The following PAK5 variants were observed in gnomAD, a reference collection of about 807,000 sequenced individuals.
The protein encoded by PAK5 is p21 (RAC1) activated kinase 5, also known as serine/threonine-protein kinase PAK 5.
PAK5 carries 16 observed loss-of-function variants against 65.9 expected under a neutral mutation model. The ratio of observed to expected loss-of-function variants is 0.24; its 90% CI spans 0.16 to 0.37. The LOEUF (loss-of-function observed/expected upper bound fraction) is 0.37, where lower values mean the gene tolerates loss of function less well. PAK5 is among the 10% of genes least tolerant of loss of function. The pLI is 1.00. For synonymous variants in PAK5, 371 were observed against 354.9 expected (o/e 1.05, Z -0.51); for missense variants, 785 against 903.9 (o/e 0.87, Z 1.69).
chr20:9,690,750 C>CTTTTTTTTTTTTTTTT (rs112955560), intron 2 of PAK5, among the ~76,000 whole-genome samples: 6 of 103,940 alleles, frequency 5.8e-5, no homozygotes, highest in Admixed American at 1.1e-4. Flanking sequence ...TTCTTTCTTT[C>CTTTTTTTTTTTTTTTT]TTTTTTTTTT....
chr20:9,672,291 T>C (rs1282563205), intron 2 of PAK5, among the ~76,000 whole-genome samples: 1 of 150,166 alleles, frequency 6.7e-6, no homozygotes, highest in East Asian at 1.9e-4. Flanking sequence ...TATATTTCAG[T>C]ATGTATGGTT....
chr20:9,776,125 T>C (rs1467817618), intron 1 of PAK5, among the ~76,000 whole-genome samples: 1 of 152,224 alleles, frequency 6.6e-6, no homozygotes, highest in Non-Finnish European at 1.5e-5. Flanking sequence ...ATATGCAATT[T>C]CATTAATCCT....
At chr20:9,799,939 CAAAAAAAAA>C (rs71331383) in intron 1 of PAK5, among the ~76,000 whole-genome samples, 18 of 43,660 alleles carry the variant, frequency 4.1e-4, no homozygotes, top group Admixed American at 7.9e-4. Flanking sequence ...ACTCTGTCTC[CAAAAAAAAA>C]AAAAAAAAAA....
intron 6 of PAK5, among the ~76,000 whole-genome samples, chr20:9,558,894 G>A (rs1275038518): frequency 3.3e-5 from 5 of 152,190 alleles, no homozygotes; most frequent in Non-Finnish European, 2.9e-5. Flanking sequence ...AGTTTTAGAG[G>A]GGGAGGGGGA....
chr20:9,745,170 T>C (rs552487797), intron 1 of PAK5, among the ~76,000 whole-genome samples: 25 of 152,282 alleles, frequency 1.6e-4, no homozygotes, highest in Admixed American at 3.3e-4. Context: ...ATTCTTTTTC[T>C]TCTTTCAATC....
chr20:9,802,956 T>G (rs910827129), intron 1 of PAK5, among the ~76,000 whole-genome samples: 1 of 84,506 alleles, frequency 1.2e-5, no homozygotes, highest in African/African-American at 4.2e-5. Flanking sequence ...GCAAAAACAC[T>G]ATTTAGTACA....
chr20:9,810,077 C>G (rs1214132164), intron 1 of PAK5, among the ~76,000 whole-genome samples: 1 of 152,104 alleles, frequency 6.6e-6, no homozygotes, highest in Non-Finnish European at 1.5e-5. Flanking sequence ...AGTCCATGGT[C>G]ACAGATGCAC....
In PAK5 at chr20:9,583,812, T is replaced by C. The variant is rs141877485; in HGVS notation, c.205-2882A>G. 4.2e-3 allele frequency among the ~76,000 whole-genome samples: 637 copies of C among 152,364 alleles called. 4 individuals are homozygous for C. The highest frequency in any genetic ancestry group is 0.015 in the African/African-American group (616 of 41,586). ...CCTCTCCCCAAACCCTTGATATCAC[T>C]GATCTGTTTTCTGTCCTTATTGTTT... On this transcript the variant is annotated intron_variant, in intron 3 of 9. Coordinates refer to ENST00000353224, the MANE Select transcript of PAK5 (RefSeq NM_177990.4).
chr20:9,574,590 T>C (rs114084148), intron 4 of PAK5, among the ~76,000 whole-genome samples: 14 of 152,298 alleles, frequency 9.2e-5, no homozygotes, highest in African/African-American at 3.4e-4. Context: ...TAAATTCATT[T>C]TGTTTTTAAT....
chr20:9,616,664 T>C (rs529614478), intron 3 of PAK5, among the ~76,000 whole-genome samples: 281 of 152,300 alleles, frequency 1.8e-3, no homozygotes, highest in Admixed American at 5.0e-3. Context: ...TGTGGGGCTC[T>C]ATGGCACAGC....
intron 2 of PAK5, among the ~76,000 whole-genome samples, chr20:9,649,172 T>C (rs1270224048): frequency 1.3e-5 from 2 of 152,254 alleles, no homozygotes; most frequent in Non-Finnish European, 2.9e-5. Context: ...TGTTTCAGTA[T>C]GTGAACATTC....
chr20:9,547,811 GCCCCAC>G (rs2045367519), intron 7 of PAK5, among the ~76,000 whole-genome samples: 1 of 152,118 alleles, frequency 6.6e-6, no homozygotes, highest in African/African-American at 2.4e-5. Context: ...AGAACCTCAA[GCCCCAC>G]CCCAGACCTA....
chr20:9,637,169 A>G (rs2046992724), intron 3 of PAK5, among the ~76,000 whole-genome samples: 1 of 151,712 alleles, frequency 6.6e-6, no homozygotes, highest in Non-Finnish European at 1.5e-5. Context: ...CCTGGCTAAT[A>G]TTTTTTTTAT....
chr20:9,565,850 A>C (rs2045667015), intron 5 of PAK5, 43 bp downstream of exon 5: 3 of 1,551,718 alleles, frequency 1.9e-6, no homozygotes, highest in Non-Finnish European at 2.6e-6. Flanking sequence ...TGGGAAATAA[A>C]TGTTACAAAG....
At chr20:9,624,411 T>A (rs2046813904) in intron 3 of PAK5, among the ~76,000 whole-genome samples, 1 of 152,074 alleles carries the variant, frequency 6.6e-6, no homozygotes, top group African/African-American at 2.4e-5. Flanking sequence ...AAAAAAGGTA[T>A]GGATATGGTG....
chr20:9,748,109 C>T (rs899170255), intron 1 of PAK5, among the ~76,000 whole-genome samples: 81 of 152,040 alleles, frequency 5.3e-4, no homozygotes, highest in Middle Eastern at 3.4e-3. Context: ...GAATAAAATA[C>T]CTAGGAATCC....
Position 9,539,409 on chromosome 20 carries a change from C to A in PAK5, c.*53G>T. The A allele has an allele frequency of 1.3e-6, 2 of 1,560,870 alleles. No homozygotes were observed. Among genetic ancestry groups the A allele is most frequent in the South Asian group, 2.2e-5 (2 of 89,134 alleles). ...ATGTTCTGTGTTTCCTTTTGTTCTC[C>A]TGAATTATTCTCATGTCCTCATCTA... On this transcript the variant is annotated 3_prime_UTR_variant, in exon 10 of 10. Transcript: ENST00000353224.
intron 2 of PAK5, among the ~76,000 whole-genome samples, chr20:9,671,617 T>C (rs7345968): frequency 0.056 from 8,400 of 148,966 alleles, 774 homozygotes; most frequent in African/African-American, 0.19. Flanking sequence ...TTTTTGTACA[T>C]TGATTTTGTA....
At chr20:9,593,770 C>A (rs1363728191) in intron 3 of PAK5, among the ~76,000 whole-genome samples, 2 of 152,238 alleles carry the variant, frequency 1.3e-5, no homozygotes, top group East Asian at 3.9e-4. Context: ...CAAATCATGT[C>A]TTTTCTTTTT....
Sources: gnomAD v4.1 joint callset for allele counts (sites outside exome capture counted in the v4.1 genomes callset) on GRCh38, gnomAD v4.1.1 for gene constraint, MANE v1.5 for transcripts, NCBI Gene and HGNC (gene_info 2026-07-23, HGNC 2026-07-21) for gene names.